Variants in AVEN observed in about 807,000 individuals in gnomAD.
AVEN encodes cell death regulator Aven.
AVEN carries 41 observed loss-of-function variants against 38.1 expected under a neutral mutation model. The observed-to-expected ratio is 1.08, with a 90% CI of 0.84 to 1.40. AVEN has a LOEUF of 1.40. Ranked by LOEUF, AVEN falls within the 40% of genes most tolerant of loss-of-function variation. The probability of loss-of-function intolerance (pLI) is 0.00; values close to 1 mark genes in which losing one functional copy is unlikely to be tolerated. For synonymous variants in AVEN, 206 were observed against 171.8 expected (o/e 1.20, Z -1.56); for missense variants, 605 against 438.8 (o/e 1.38, Z -3.38).
At chr15:34,029,949 T>G (rs1303037129) in intron 1 of AVEN, among the ~76,000 whole-genome samples, 1 of 152,086 alleles carries the variant, frequency 6.6e-6, no homozygotes, top group Non-Finnish European at 1.5e-5. Flanking sequence ...AACTCTAGAT[T>G]CACAATAGAA....
chr15:34,063,425 G>A lies in AVEN; in HGVS notation n.1134C>T. On this transcript the variant is annotated non_coding_transcript_exon_variant, in exon 5 of 12. Coordinates refer to the AVEN transcript ENST00000675287. The surrounding 1 kb of genome is among the most constrained non-coding windows in gnomAD (Gnocchi z 4.1). Reference sequence around the variant, plus strand: ...CTGACCTCCAGGGTTCTGACTCTGTGACCAAAGCTGAGAAGAGAAAGCCAG... The same window carrying A: ...CTGACCTCCAGGGTTCTGACTCTGTAACCAAAGCTGAGAAGAGAAAGCCAG... 1.2e-6 allele frequency: 2 copies of A among 1,613,902 alleles called. No homozygotes were observed. The highest frequency in any genetic ancestry group is 1.7e-6 in the Non-Finnish European group (2 of 1,180,032).
chr15:33,999,009 T>C (rs1897042296), intron 2 of AVEN, among the ~76,000 whole-genome samples: 1 of 152,236 alleles, frequency 6.6e-6, no homozygotes, highest in Non-Finnish European at 1.5e-5. Context: ...GCCTGCTCCA[T>C]GTCGCCTATT....
At chr15:33,901,054 C>G (rs2052613) in intron 2 of AVEN, among the ~76,000 whole-genome samples, 6,454 of 152,026 alleles carry the variant, frequency 0.042, 445 homozygotes, top group South Asian at 0.13. Context: ...ATCACGAGGT[C>G]AGGAGATTGA....
At chr15:34,056,814 C>G (rs1476430847) in intron 5 of AVEN, among the ~76,000 whole-genome samples, 1 of 152,018 alleles carries the variant, frequency 6.6e-6, no homozygotes, top group Admixed American at 6.6e-5. Flanking sequence ...GCCAGGAGTT[C>G]GAGGCCAGGA....
chr15:34,000,640 C>T lies in AVEN; in HGVS notation c.445+2392G>A, dbSNP rs560488053. On this transcript the variant is annotated intron_variant, in intron 2 of 5. Transcript: ENST00000306730. ...TGGTCAGCTTACCTAGAAAACACTG[C>T]ATACTCTAGAATTTTTATTATCAGA... Among the ~76,000 whole-genome samples, 5 of 152,320 alleles carry T rather than the reference C, an allele frequency of 3.3e-5. No homozygotes were observed. The South Asian group carries it at 1.0e-3, about 32-fold the overall frequency.
the AVEN span, chr15:33,853,581 C>T: frequency 5.7e-5 from 92 of 1,613,880 alleles, 1 homozygote; most frequent in African/African-American, 4.0e-4. Context: ...GAGATCTCTA[C>T]GGAGCAGAAC....
chr15:33,884,768 G>A (rs1891636850), intron 2 of AVEN, among the ~76,000 whole-genome samples: 1 of 152,214 alleles, frequency 6.6e-6, no homozygotes, highest in Non-Finnish European at 1.5e-5. Flanking sequence ...TACTCAGGCA[G>A]AAGGAAACCT....
intron 2 of AVEN, among the ~76,000 whole-genome samples, chr15:33,907,533 G>A (rs1597218235): frequency 6.6e-6 from 1 of 152,152 alleles, no homozygotes; most frequent in South Asian, 2.1e-4. Context: ...AGGAAGGAAG[G>A]AAATGTAGCC....
intron 2 of AVEN, among the ~76,000 whole-genome samples, chr15:34,068,234 ATTT>A (rs35505631): frequency 6.4e-5 from 9 of 139,658 alleles, no homozygotes; most frequent in Middle Eastern, 3.6e-3. Context: ...TTTTTCATTC[ATTT>A]TTTTTTTTTT....
At chr15:33,864,131 G>C (rs180882042), downstream of AVEN, 36 of 1,608,418 alleles carry the variant, frequency 2.2e-5, 1 homozygote, top group Admixed American at 4.0e-4. Context: ...TCTTTTCCTC[G>C]TTCCAGGTTC....
upstream of AVEN, among the ~76,000 whole-genome samples, chr15:34,040,986 T>C (rs1899451568): frequency 6.6e-6 from 1 of 152,024 alleles, no homozygotes; most frequent in Admixed American, 6.6e-5. Flanking sequence ...AAGAATATGG[T>C]TAAATATCTA....
chr15:33,961,796 G>A (rs1183545152), intron 2 of AVEN, among the ~76,000 whole-genome samples: 6 of 104,674 alleles, frequency 5.7e-5, no homozygotes, highest in South Asian at 3.7e-4. Flanking sequence ...CTGGGCGACA[G>A]AGTGAGACTC....
intron 1 of AVEN, among the ~76,000 whole-genome samples, chr15:34,008,043 T>G (rs921524494): frequency 2.0e-5 from 3 of 152,140 alleles, no homozygotes; most frequent in African/African-American, 7.2e-5. Context: ...AAGATCACAC[T>G]CAGAGGTACT....
At chr15:33,936,331 T>C (rs1041246752) in intron 2 of AVEN, among the ~76,000 whole-genome samples, 1 of 152,152 alleles carries the variant, frequency 6.6e-6, no homozygotes, top group African/African-American at 2.4e-5. Flanking sequence ...TTCACTAAGG[T>C]TACTGGATCA....
chr15:33,933,261 C>T (rs138984406), intron 2 of AVEN, among the ~76,000 whole-genome samples: 2 of 152,184 alleles, frequency 1.3e-5, no homozygotes, highest in African/African-American at 4.8e-5. Flanking sequence ...CAGCCCTTGT[C>T]TCTCTCTGTT....
Position 33,904,712 on chromosome 15 carries a change from T to TACACACACACAC in AVEN, c.446-28718_446-28717insGTGTGTGTGTGT, listed in dbSNP as rs1394478053. ...AAAAAAAAATATATATATATATATA[T>TACACACACACAC]ATATACACACACACACGAATATGCA... is the stretch of plus-strand genomic sequence containing the variant. On this transcript the variant is annotated intron_variant, in intron 2 of 5. Transcript: ENST00000306730. Among the ~76,000 whole-genome samples the TACACACACACAC allele has an allele frequency of 9.0e-4, 124 of 138,224 alleles. 1 individual carries two copies. The highest frequency in any genetic ancestry group is 3.7e-3 in the South Asian group (16 of 4,348). The allele number at this position is 138,224 out of a possible 152,430, so 90.7% of individuals were successfully genotyped here.
intron 2 of AVEN, among the ~76,000 whole-genome samples, chr15:34,068,258 G>T (rs567708450): frequency 7.4e-5 from 11 of 148,184 alleles, no homozygotes; most frequent in Non-Finnish European, 1.5e-4. Context: ...TCAAGACAGG[G>T]TCTCACTCTG....
rs533788693 is a variant in AVEN, at chr15:33,899,460, CTTTTTTTTTTT to C, written c.446-23476_446-23466del. ...TACATTTATTTGCTTCAGGGAAAAC[CTTTTTTTTTTT>C]TTTTTTTTTTTTTTTTGAGACGGAG... On this transcript the variant is annotated intron_variant, in intron 2 of 5. Transcript: ENST00000306730. Among the ~76,000 whole-genome samples, 13 of 65,428 alleles carry C rather than the reference CTTTTTTTTTTT, an allele frequency of 2.0e-4. 1 individual carries two copies. Among genetic ancestry groups the C allele is most frequent in the Non-Finnish European group, 2.9e-4 (10 of 35,030 alleles). 42.9% of individuals were successfully genotyped at this position (65,428 alleles called of 152,430 possible).
At chr15:34,074,000 T>C (rs1195164805) in intron 1 of AVEN, among the ~76,000 whole-genome samples, 6 of 134,364 alleles carry the variant, frequency 4.5e-5, no homozygotes, top group Non-Finnish European at 9.4e-5. Flanking sequence ...TTTTTTTTTT[T>C]TTTTTTTTTT....
Sources: gnomAD v4.1 joint callset for allele counts (sites outside exome capture counted in the v4.1 genomes callset) on GRCh38, gnomAD v4.1.1 for gene constraint, Gnocchi (gnomAD v3.1) non-coding constraint, MANE v1.5 for transcripts, NCBI Gene and HGNC (gene_info 2026-07-23, HGNC 2026-07-21) for gene names.